The following B3GALT1 variants were observed in gnomAD, a reference collection of about 807,000 sequenced individuals.
B3GALT1 encodes UDP-Gal:betaGlcNAc beta 1,3-galactosyltransferase, polypeptide 1.
A neutral mutation model predicts 23.2 loss-of-function variants in B3GALT1; 10 were observed. That is an observed-to-expected ratio of 0.43 (90% CI 0.27 to 0.73). The LOEUF (loss-of-function observed/expected upper bound fraction) is 0.73. B3GALT1 is among the 30% of genes least tolerant of loss of function. The probability of loss-of-function intolerance (pLI) is 0.21; values close to 1 mark genes in which losing one functional copy is unlikely to be tolerated. For synonymous variants in B3GALT1, 156 were observed against 141.5 expected, an observed-to-expected ratio of 1.10 and a Z score of -0.73; for missense variants, 299 against 405.4, an observed-to-expected ratio of 0.74 and a Z score of 2.25.
chr2:167,819,611 C>G (rs932671427), intron 4 of B3GALT1, among the ~76,000 whole-genome samples: 3 of 152,172 alleles, frequency 2.0e-5, no homozygotes, highest in Non-Finnish European at 4.4e-5. Context: ...ACTTACTTAA[C>G]CTTTCTAAAC....
chr2:167,407,168 T>C (rs1400429317), intron 1 of B3GALT1, among the ~76,000 whole-genome samples: 2 of 151,778 alleles, frequency 1.3e-5, no homozygotes, highest in Non-Finnish European at 2.9e-5. Context: ...AGAACAAAAC[T>C]AGAAATCAAT....
At chr2:167,484,046 A>G (rs1449738981) in intron 1 of B3GALT1, among the ~76,000 whole-genome samples, 1 of 152,190 alleles carries the variant, frequency 6.6e-6, no homozygotes, top group African/African-American at 2.4e-5. Flanking sequence ...TAAGGAATAT[A>G]TGGCTCTTAC....
At chr2:167,558,957 G>C (rs1683908932) in intron 2 of B3GALT1, among the ~76,000 whole-genome samples, 1 of 152,174 alleles carries the variant, frequency 6.6e-6, no homozygotes, top group Admixed American at 6.5e-5. Context: ...AGAGAGCAGT[G>C]GTTCTCCCAG....
At chr2:167,353,432 A>AT (rs368337281) in intron 1 of B3GALT1, among the ~76,000 whole-genome samples, 18 of 148,638 alleles carry the variant, frequency 1.2e-4, no homozygotes, top group South Asian at 2.1e-4. Context: ...CCTTAGTGGT[A>AT]TTTTTTTTTT....
At chr2:167,669,666 G>A (rs926052373) in intron 3 of B3GALT1, among the ~76,000 whole-genome samples, 8 of 152,184 alleles carry the variant, frequency 5.3e-5, no homozygotes, top group African/African-American at 1.9e-4. Context: ...CTTTAGAAAT[G>A]TATGTAAAAT....
chr2:167,542,804 T>A (rs1276061247), intron 2 of B3GALT1, among the ~76,000 whole-genome samples: 1 of 151,970 alleles, frequency 6.6e-6, no homozygotes, highest in Non-Finnish European at 1.5e-5. Flanking sequence ...AAAGCTTTTT[T>A]TTTTTTTGTA....
intron 1 of B3GALT1, among the ~76,000 whole-genome samples, chr2:167,336,927 C>T (rs899475251): frequency 1.2e-4 from 19 of 152,056 alleles, no homozygotes. Context: ...CGAGTTTTAC[C>T]TGGAAATCTC....
intron 1 of B3GALT1, among the ~76,000 whole-genome samples, chr2:167,335,742 T>A (rs1697050039): frequency 6.6e-6 from 1 of 152,188 alleles, no homozygotes; most frequent in African/African-American, 2.4e-5. Flanking sequence ...TTTCGTTGCC[T>A]TGAGTTTTAG....
At chr2:167,778,699 T>C (rs377712375) in intron 3 of B3GALT1, among the ~76,000 whole-genome samples, 14 of 152,262 alleles carry the variant, frequency 9.2e-5, no homozygotes, top group African/African-American at 3.1e-4. Flanking sequence ...AAACAGAATC[T>C]TATGTTTTCT....
intron 1 of B3GALT1, among the ~76,000 whole-genome samples, chr2:167,477,646 A>C (rs1178437655): frequency 6.6e-6 from 1 of 152,234 alleles, no homozygotes; most frequent in East Asian, 1.9e-4. Context: ...CATGTCTAAC[A>C]AAATAATAGA....
At chr2:167,372,667 A>G (rs753342048) in intron 1 of B3GALT1, among the ~76,000 whole-genome samples, 2 of 152,152 alleles carry the variant, frequency 1.3e-5, no homozygotes, top group Non-Finnish European at 2.9e-5. Context: ...TACAAAAATC[A>G]GTTATGATTA....
intron 1 of B3GALT1, among the ~76,000 whole-genome samples, chr2:167,382,761 T>C (rs1464901309): frequency 2.0e-5 from 3 of 152,132 alleles, no homozygotes; most frequent in African/African-American, 4.8e-5. Context: ...CATGTCTGAA[T>C]TTTCATGGAT....
intron 1 of B3GALT1, among the ~76,000 whole-genome samples, chr2:167,444,543 G>T (rs1021536431): frequency 6.6e-6 from 1 of 152,136 alleles, no homozygotes; most frequent in African/African-American, 2.4e-5. Flanking sequence ...CTCAATTTCA[G>T]ATCCTGTTAT....
At chr2:167,347,275 G>T (rs1697235201) in intron 1 of B3GALT1, among the ~76,000 whole-genome samples, 1 of 152,078 alleles carries the variant, frequency 6.6e-6, no homozygotes, top group Admixed American at 6.6e-5. Context: ...GGTCGAAAGG[G>T]GTATCTTTAA....
At chr2:167,539,477 A>G (rs533406116) in intron 2 of B3GALT1, among the ~76,000 whole-genome samples, 6 of 152,324 alleles carry the variant, frequency 3.9e-5, no homozygotes, top group Non-Finnish European at 7.4e-5. Flanking sequence ...TTGCAAAAAC[A>G]GGTTGCCCTC....
intron 2 of B3GALT1, among the ~76,000 whole-genome samples, chr2:167,564,717 C>CATGTAGAATAATATGT (rs1684119453): frequency 6.6e-6 from 1 of 152,220 alleles, no homozygotes; most frequent in Non-Finnish European, 1.5e-5. Context: ...ACACCAATAA[C>CATGTAGAATAATATGT]AGACAGACAG....
chr2:167,314,681 A>T (rs1429819285), intron 1 of B3GALT1, among the ~76,000 whole-genome samples: 1 of 151,618 alleles, frequency 6.6e-6, no homozygotes, highest in African/African-American at 2.4e-5. Context: ...ATGTGGACAC[A>T]TTTTTTTTCT....
chr2:167,732,868 T>A (rs1687430054), intron 3 of B3GALT1, among the ~76,000 whole-genome samples: 1 of 152,258 alleles, frequency 6.6e-6, no homozygotes, highest in Non-Finnish European at 1.5e-5. Context: ...TTATGCTTTG[T>A]TAACAGCCAG....
At chr2:167,649,962 T>G (rs1025128372) in intron 3 of B3GALT1, among the ~76,000 whole-genome samples, 6 of 151,998 alleles carry the variant, frequency 3.9e-5, no homozygotes, top group Non-Finnish European at 7.4e-5. Context: ...GTTGAATAGA[T>G]GTAATGAATA....
Sources: allele counts gnomAD v4.1 joint callset (sites outside exome capture counted in the v4.1 genomes callset), GRCh38; gene constraint gnomAD v4.1.1; transcripts MANE v1.5; gene names NCBI Gene and HGNC (gene_info 2026-07-23, HGNC 2026-07-21).